TMEM245: variants seen among roughly 807,000 people sequenced by gnomAD.
TMEM245 encodes the protein transmembrane protein 245.
TMEM245 carries 69 observed loss-of-function variants against 101.2 expected under a neutral mutation model. The observed-to-expected ratio is 0.68, with a 90% confidence interval of 0.56 to 0.83. TMEM245 has a LOEUF of 0.83. TMEM245 is among the 40% of genes least tolerant of loss of function. The pLI is 0.00. For synonymous variants in TMEM245, 537 were observed against 449.8 expected (o/e 1.19, Z -2.45); for missense variants, 1,075 against 1,092.8 (o/e 0.98, Z 0.23).
chr9:109,018,192 A>G lies in TMEM245; in HGVS notation c.*2268T>C, dbSNP rs368773555. The G allele has an allele frequency of 4.6e-5, 7 of 152,364 alleles. No individual in the cohort carries two copies. The East Asian group carries it at 1.2e-3, about 25-fold the overall frequency. 9.4% of individuals were successfully genotyped at this position (152,364 alleles called of 1,614,324 possible). A position where few individuals can be genotyped will look rare whatever the true frequency, so the allele number is the denominator to read the frequency against. On this transcript the variant is annotated 3_prime_UTR_variant, in exon 18 of 18. Coordinates refer to ENST00000374586, the MANE Select transcript of TMEM245 (RefSeq NM_032012.4). ...GTATATGTATAGTAACTCATTGTAT[A>G]TATTTGTCTCTTATGAATATGTGCT...
intron 17 of TMEM245, among the ~76,000 whole-genome samples, chr9:109,020,775 G>A (rs1419778508): frequency 6.6e-6 from 1 of 152,182 alleles, no homozygotes; most frequent in Non-Finnish European, 1.5e-5. Flanking sequence ...GATTTAAGTA[G>A]AAGTGTTGTG....
chr9:109,118,794 C>T (rs778321878), intron 1 of TMEM245, among the ~76,000 whole-genome samples: 3 of 152,208 alleles, frequency 2.0e-5, no homozygotes, highest in Non-Finnish European at 4.4e-5. Flanking sequence ...GCAGCACCAG[C>T]CAGTGAAGCA....
intron 11 of TMEM245, among the ~76,000 whole-genome samples, chr9:109,059,730 G>C (rs1454643529): frequency 6.6e-6 from 1 of 151,768 alleles, no homozygotes; most frequent in African/African-American, 2.4e-5. Context: ...AGATCTCTAA[G>C]CGTTTAGATT....
chr9:109,113,807 A>T (rs1830635506), intron 1 of TMEM245, among the ~76,000 whole-genome samples: 1 of 152,182 alleles, frequency 6.6e-6, no homozygotes, highest in African/African-American at 2.4e-5. Context: ...ATAAAACTAC[A>T]GGAAGGGTGC....
Position 109,064,543 on chromosome 9 carries a change from G to A in TMEM245, c.1557C>T (p.Val519=). 1.2e-6 allele frequency: 2 copies of A among 1,613,720 alleles called. No individual in the cohort carries two copies. Among genetic ancestry groups the A allele is most frequent in the Non-Finnish European group, 1.7e-6 (2 of 1,179,788 alleles). The change falls in exon 10 of 18, where the codon GTC becomes GTT. Residue 519 remains valine, a synonymous_variant. Coordinates refer to ENST00000374586, the MANE Select transcript of TMEM245 (RefSeq NM_032012.4). ...TAGCCGCAGAATTCAGGGCTCTTTG[G>A]ACTACCTGAGCCTCAGGAAGCCAAC... is the stretch of plus-strand genomic sequence containing the variant. ...WANWLPEAQV[V]QRALNSAANN...
At chr9:109,045,739 A>C (rs1828470720) in intron 14 of TMEM245, among the ~76,000 whole-genome samples, 1 of 152,188 alleles carries the variant, frequency 6.6e-6, no homozygotes, top group East Asian at 1.9e-4. Flanking sequence ...TGGAAACTTA[A>C]GTTTATGAGA....
chr9:109,037,190 T>A (rs542009875), intron 15 of TMEM245, among the ~76,000 whole-genome samples: 2 of 152,078 alleles, frequency 1.3e-5, no homozygotes, highest in Non-Finnish European at 2.9e-5. Flanking sequence ...CCACAACAGA[T>A]CTTAAGAGGT....
intron 14 of TMEM245, 23 bp from the exon 15 acceptor site, chr9:109,038,140 G>C: frequency 6.3e-7 from 1 of 1,585,080 alleles, no homozygotes. Context: ...AAGATAAAAA[G>C]AAAGAGTAAA....
At chr9:109,117,970 TA>T (rs1285334557) in intron 1 of TMEM245, among the ~76,000 whole-genome samples, 1 of 152,248 alleles carries the variant, frequency 6.6e-6, no homozygotes, top group Non-Finnish European at 1.5e-5. Flanking sequence ...TGGGCCTCCA[TA>T]AAAGTGAACC....
chr9:109,104,782 A>G (rs928323559), intron 3 of TMEM245, among the ~76,000 whole-genome samples: 21 of 152,202 alleles, frequency 1.4e-4, no homozygotes, highest in Non-Finnish European at 2.9e-4. Flanking sequence ...GCCATCTTCA[A>G]CAGTGCTGGG....
chr9:109,090,284 G>C (rs748238994), intron 5 of TMEM245, among the ~76,000 whole-genome samples: 9 of 151,710 alleles, frequency 5.9e-5, no homozygotes, highest in African/African-American at 4.8e-5. Flanking sequence ...AAAATCATTC[G>C]ATCTTCAAAT....
At chr9:109,068,290 C>T (rs1310692052) in intron 9 of TMEM245, among the ~76,000 whole-genome samples, 1 of 150,928 alleles carries the variant, frequency 6.6e-6, no homozygotes, top group Non-Finnish European at 1.5e-5. Context: ...GAATGGCGTG[C>T]ACCTGGGAGA....
chr9:109,078,867 G>T (rs1829591741), intron 8 of TMEM245, among the ~76,000 whole-genome samples: 1 of 152,024 alleles, frequency 6.6e-6, no homozygotes, highest in Admixed American at 6.6e-5. Context: ...CTCATCTTCT[G>T]GGATGCTTAT....
intron 5 of TMEM245, among the ~76,000 whole-genome samples, chr9:109,087,982 T>A (rs560176239): frequency 6.6e-6 from 1 of 152,276 alleles, no homozygotes; most frequent in Admixed American, 6.5e-5. Flanking sequence ...TGGGGACCAC[T>A]CTCAAACCAC....
intron 2 of TMEM245, among the ~76,000 whole-genome samples, chr9:109,106,864 T>G (rs1203847705): frequency 6.6e-6 from 1 of 152,048 alleles, no homozygotes; most frequent in Non-Finnish European, 1.5e-5. Context: ...TGGGGTTCTA[T>G]TAAAGAGAGT....
chr9:109,024,049 CT>C (rs1199880625), intron 17 of TMEM245, among the ~76,000 whole-genome samples: 1 of 152,060 alleles, frequency 6.6e-6, no homozygotes, highest in East Asian at 1.9e-4. Flanking sequence ...ATTTCACCCC[CT>C]ACCCTCTTCC....
chr9:109,106,357 A>C, intron 3 of TMEM245, 151 bp downstream of exon 3: 1 of 447,544 alleles, frequency 2.2e-6, no homozygotes, highest in Non-Finnish European at 3.9e-6. Flanking sequence ...ATGGTCTAAC[A>C]ACCTAAAATA....
chr9:109,051,943 C>T (rs1235611813), intron 12 of TMEM245, among the ~76,000 whole-genome samples: 1 of 152,076 alleles, frequency 6.6e-6, no homozygotes, highest in Non-Finnish European at 1.5e-5. Context: ...TGCTCTGAGG[C>T]CAAAAATCTT....
rs1039868147 is a variant in TMEM245 at position 109,036,321 on chromosome 9, C to T, written c.2284G>A (p.Ala762Thr). 3.9e-5 allele frequency: 63 copies of T among 1,613,682 alleles called. No homozygotes were observed. The highest frequency in any genetic ancestry group is 5.2e-5 in the Non-Finnish European group (61 of 1,179,934). Residue 762 changes from alanine to threonine, a missense_variant, in exon 16 of 18, where the codon GCA becomes ACA. Around this residue, in one of 2 missense-constraint regions of TMEM245, gnomAD observed 267 missense variants for 351.3 expected, o/e 0.76. Coordinates refer to ENST00000374586, the MANE Select transcript of TMEM245 (RefSeq NM_032012.4). ...FLGTYWAAVPAVLDLWLTQGL... is the reference protein window; with the variant it reads ...FLGTYWAAVPTVLDLWLTQGL... ...TGTGTCAGCCACAGGTCAAGAACTGCAGGTACTGCTGCCCAGTATGTCCCC... is the reference window on the plus strand; with the variant it reads ...TGTGTCAGCCACAGGTCAAGAACTGTAGGTACTGCTGCCCAGTATGTCCCC...
Sources: gnomAD v4.1 joint callset for allele counts (sites outside exome capture counted in the v4.1 genomes callset) on GRCh38, gnomAD v4.1.1 for gene constraint, gnomAD v4.1.1 regional missense constraint, MANE v1.5 for transcripts, NCBI Gene and HGNC (gene_info 2026-07-23, HGNC 2026-07-21) for gene names.